The following ZPBP variants were observed in gnomAD, a reference collection of about 807,000 sequenced individuals.
ZPBP encodes zona pellucida binding protein.
Under a neutral mutation model 44.8 loss-of-function variants are expected in ZPBP, and 26 were observed. That is an observed-to-expected ratio of 0.58 (90% CI 0.43 to 0.81). The LOEUF is 0.81. ZPBP is among the 30% of genes least tolerant of loss of function. The probability of loss-of-function intolerance (pLI) is 0.00; values close to 1 mark genes in which losing one functional copy is unlikely to be tolerated. For synonymous variants in ZPBP, 174 were observed against 153.2 expected (o/e 1.14, Z -1.00); for missense variants, 409 against 434.0 (o/e 0.94, Z 0.51).
chr7:50,042,043 G>A (rs1341190324), intron 4 of ZPBP, among the ~76,000 whole-genome samples: 1 of 152,030 alleles, frequency 6.6e-6, no homozygotes, highest in Non-Finnish European at 1.5e-5. Context: ...AGTATCAATA[G>A]CCAAATCAAT....
intron 2 of ZPBP, among the ~76,000 whole-genome samples, chr7:50,087,388 A>G (rs921020170): frequency 2.5e-4 from 38 of 152,096 alleles, no homozygotes; most frequent in African/African-American, 9.2e-4. Flanking sequence ...GATGCATCAT[A>G]TTAACAAGAT....
chr7:49,885,494 G>A (rs925069217), intron 2 of ZPBP, among the ~76,000 whole-genome samples: 3 of 151,548 alleles, frequency 2.0e-5, no homozygotes, highest in Non-Finnish European at 4.4e-5. Context: ...ATTACATTCT[G>A]AAAAGGTAAA....
intron 1 of ZPBP, chr7:49,920,702 TTG>T (rs1241707626): frequency 3.5e-5 from 5 of 141,304 alleles, no homozygotes; most frequent in African/African-American, 1.1e-4. Context: ...ATGTATTTAA[TTG>T]TGTTATTTAC....
At chr7:50,086,824 C>T (rs1381034858) in intron 2 of ZPBP, among the ~76,000 whole-genome samples, 4 of 151,884 alleles carry the variant, frequency 2.6e-5, no homozygotes, top group African/African-American at 7.2e-5. Flanking sequence ...CATGAATCCA[C>T]GTATCCAAGA....
chr7:49,857,009 C>CAAAAAAAAAAAAAAAAAAAAAA (rs59910243), intron 2 of ZPBP, among the ~76,000 whole-genome samples: 2 of 52,786 alleles, frequency 3.8e-5, no homozygotes, highest in Admixed American at 3.9e-4. Context: ...GATACTGTCT[C>CAAAAAAAAAAAAAAAAAAAAAA]AAAAAAAAAA....
At chr7:49,998,186 G>C (rs1797938149) in intron 6 of ZPBP, among the ~76,000 whole-genome samples, 1 of 152,182 alleles carries the variant, frequency 6.6e-6, no homozygotes, top group Non-Finnish European at 1.5e-5. Context: ...AAAGTGCTAG[G>C]ATTACAGGCG....
chr7:50,025,845 G>C (rs1286326152), intron 5 of ZPBP, among the ~76,000 whole-genome samples: 1 of 151,678 alleles, frequency 6.6e-6, no homozygotes, highest in Non-Finnish European at 1.5e-5. Flanking sequence ...AAAATGTGCA[G>C]CAAAAAGGCA....
intron 7 of ZPBP, among the ~76,000 whole-genome samples, chr7:49,964,944 T>C (rs1796001119): frequency 6.6e-6 from 1 of 152,088 alleles, no homozygotes; most frequent in African/African-American, 2.4e-5. Context: ...TGCCATACTA[T>C]AAGATGAAAA....
At chr7:49,923,968 C>T (rs978097322) in intron 1 of ZPBP, among the ~76,000 whole-genome samples, 3 of 152,036 alleles carry the variant, frequency 2.0e-5, no homozygotes, top group Non-Finnish European at 4.4e-5. Flanking sequence ...TACAAAAATA[C>T]AAAAATTAGC....
intron 6 of ZPBP, among the ~76,000 whole-genome samples, chr7:49,987,675 A>C (rs939602020): frequency 2.6e-5 from 4 of 151,858 alleles, no homozygotes; most frequent in Non-Finnish European, 5.9e-5. Flanking sequence ...ACTGGCAAAC[A>C]GTCTAAATAG....
At chr7:50,005,184 T>C (rs1469277595) in intron 6 of ZPBP, among the ~76,000 whole-genome samples, 2 of 151,986 alleles carry the variant, frequency 1.3e-5, no homozygotes, top group Non-Finnish European at 2.9e-5. Context: ...ATAACAAAAC[T>C]GTCCTTCAAA....
chr7:49,921,559 G>A lies in ZPBP; in HGVS notation n.411+14192C>T, dbSNP rs539562073. On this transcript the variant is annotated intron_variant and non_coding_transcript_variant, in intron 1 of 2. Transcript: ENST00000465922. The stretch of plus-strand genomic sequence containing the variant: ...TCAGATTGCTCATCAGTAACATGGG[G>A]AGAGTGGTATCAACCACTAAGAGGA... 1.7e-4 allele frequency: 26 copies of A among 152,252 alleles called. No individual in the cohort carries two copies. In the East Asian group the frequency reaches 4.0e-3, roughly 24 times the overall value. 9.4% of individuals were successfully genotyped at this position (152,252 alleles called of 1,614,324 possible). A position where few individuals can be genotyped will look rare whatever the true frequency, so the allele number is the denominator to read the frequency against.
At chr7:49,945,232 G>A (rs1795054157) in intron 7 of ZPBP, among the ~76,000 whole-genome samples, 1 of 151,956 alleles carries the variant, frequency 6.6e-6, no homozygotes, top group Non-Finnish European at 1.5e-5. Flanking sequence ...TCAATTTTTT[G>A]ACTTTTTAAA....
intron 4 of ZPBP, among the ~76,000 whole-genome samples, chr7:50,048,190 T>G (rs538259127): frequency 1.5e-4 from 23 of 152,250 alleles, no homozygotes; most frequent in African/African-American, 5.3e-4. Context: ...ACTTTTATTA[T>G]GATAAAAAGG....
exon 2 of ZPBP, chr7:49,901,170 C>T (rs569011982): frequency 4.6e-5 from 7 of 152,046 alleles, no homozygotes; most frequent in African/African-American, 1.7e-4. Context: ...ATAAGGCTGT[C>T]TCCTTTCTTC....
intron 1 of ZPBP, among the ~76,000 whole-genome samples, chr7:49,904,577 C>T (rs1194444940): frequency 1.3e-5 from 2 of 152,140 alleles, no homozygotes; most frequent in African/African-American, 4.8e-5. Context: ...TAATTAAAAT[C>T]TGTTGTAAAA....
At chr7:50,036,947 A>T (rs1391235946) in intron 4 of ZPBP, among the ~76,000 whole-genome samples, 3 of 152,052 alleles carry the variant, frequency 2.0e-5, no homozygotes, top group East Asian at 1.9e-4. Context: ...TGATACATAA[A>T]GAAAACATCA....
At chr7:50,047,564 G>A (rs1450563692) in intron 4 of ZPBP, among the ~76,000 whole-genome samples, 1 of 150,436 alleles carries the variant, frequency 6.6e-6, no homozygotes, top group Non-Finnish European at 1.5e-5. Flanking sequence ...AGCCTTACAT[G>A]ATTTTTATGT....
intron 4 of ZPBP, among the ~76,000 whole-genome samples, chr7:50,033,085 T>C (rs878899575): frequency 6.6e-6 from 1 of 152,158 alleles, no homozygotes; most frequent in African/African-American, 2.4e-5. Flanking sequence ...CTTTTTTTTT[T>C]CCAGAGTCAA....
Sources: allele counts gnomAD v4.1 joint callset (sites outside exome capture counted in the v4.1 genomes callset), GRCh38; gene constraint gnomAD v4.1.1; transcripts MANE v1.5; gene names NCBI Gene and HGNC (gene_info 2026-07-23, HGNC 2026-07-21).